Variants in TMEM132B observed in about 807,000 individuals in gnomAD.
TMEM132B encodes transmembrane protein 132B.
Under a neutral mutation model 90.8 loss-of-function variants are expected in TMEM132B, and 18 were observed. The ratio of observed to expected loss-of-function variants is 0.20; its 90% CI spans 0.14 to 0.29. The LOEUF (loss-of-function observed/expected upper bound fraction) is 0.29. TMEM132B is among the 10% of genes least tolerant of loss of function. TMEM132B has a pLI of 1.00. For synonymous variants in TMEM132B, 504 were observed against 523.3 expected, an observed-to-expected ratio of 0.96 and a Z score of 0.50; for missense variants, 1,096 against 1,326.8, an observed-to-expected ratio of 0.83 and a Z score of 2.70.
At chr12:125,187,449 G>A (rs1957766719) in intron 1 of TMEM132B, among the ~76,000 whole-genome samples, 1 of 152,134 alleles carries the variant, frequency 6.6e-6, no homozygotes, top group African/African-American at 2.4e-5. Context: ...TGGCCAAAGA[G>A]CAGCCCGCTG....
Position 125,277,303 on chromosome 12 carries a change from A to G in TMEM132B, c.68-72149A>G, listed in dbSNP as rs562043483. 1.3e-5 allele frequency among the ~76,000 whole-genome samples: 2 copies of G among 152,076 alleles called. No homozygotes were observed. The highest frequency in any genetic ancestry group is 4.8e-5 in the African/African-American group (2 of 41,458). ...AGACCAGCCTGGCCAACATGGTGAA[A>G]CCCTGTCTCTACTAAAAATACAAAA... On this transcript the variant is annotated intron_variant, in intron 1 of 8. Coordinates refer to ENST00000682704, the MANE Select transcript of TMEM132B (RefSeq NM_001366854.1). This position sits in a 1 kb window ranked among gnomAD's most constrained non-coding sequence, Gnocchi z 4.3.
chr12:125,576,906 G>T (rs1038336889), intron 4 of TMEM132B, among the ~76,000 whole-genome samples: 2 of 150,878 alleles, frequency 1.3e-5, no homozygotes, highest in Non-Finnish European at 3.0e-5. Flanking sequence ...GGGGGGTGGG[G>T]TTGGCATCTA....
intron 1 of TMEM132B, among the ~76,000 whole-genome samples, chr12:125,282,252 C>T (rs1016053904): frequency 6.6e-6 from 1 of 152,066 alleles, no homozygotes; most frequent in Non-Finnish European, 1.5e-5. Flanking sequence ...TCCCTGCCCC[C>T]TGCGATGCTG....
At chr12:125,317,950 A>G (rs11058138) in intron 1 of TMEM132B, among the ~76,000 whole-genome samples, 16,059 of 152,254 alleles carry the variant, frequency 0.11, 1,204 homozygotes, top group East Asian at 0.31. Flanking sequence ...GCTTGGAACC[A>G]ACCTAAACTT....
chr12:125,198,398 CT>C (rs1281112202), intron 1 of TMEM132B, among the ~76,000 whole-genome samples: 1 of 152,202 alleles, frequency 6.6e-6, no homozygotes, highest in Admixed American at 6.5e-5. Flanking sequence ...CTTTTTCTCT[CT>C]GTGTTGACTT....
At position 125,246,475 on chromosome 12, in the gene TMEM132B, C is replaced by T. The variant is rs912821221; in HGVS notation, c.67+59609C>T. Among the ~76,000 whole-genome samples the T allele has an allele frequency of 8.5e-5, 13 of 152,184 alleles. No individual in the cohort carries two copies. Among genetic ancestry groups the T allele is most frequent in the Non-Finnish European group, 1.5e-4 (10 of 68,030 alleles). On this transcript the variant is annotated intron_variant, in intron 1 of 8. Transcript: ENST00000682704. The surrounding 1 kb of genome is among the most constrained non-coding windows in gnomAD (Gnocchi z 4.2). ...ACTCAGATGCCTTGTTTCGAAACAGCGTGCCGGTGTTATGATTGTGATTAC... is the reference window on the plus strand; with the variant it reads ...ACTCAGATGCCTTGTTTCGAAACAGTGTGCCGGTGTTATGATTGTGATTAC...
In TMEM132B at chr12:125,350,357, C is replaced by A; in HGVS notation, c.959+14C>A. 1 of 1,598,926 alleles carries A rather than the reference C, an allele frequency of 6.3e-7. No homozygotes were observed. Among genetic ancestry groups the A allele is most frequent in the Admixed American group, 1.7e-5 (1 of 58,664 alleles). ...GTTCACTCTTAGGTAAGAGGCTTTG[C>A]CAGGTGGGATGGAACAGAAGCCAAC... On this transcript the variant is annotated intron_variant, in intron 2 of 8. Coordinates refer to ENST00000682704, the MANE Select transcript of TMEM132B (RefSeq NM_001366854.1).
At chr12:125,196,255 T>C (rs1190502904) in intron 1 of TMEM132B, among the ~76,000 whole-genome samples, 2 of 152,228 alleles carry the variant, frequency 1.3e-5, no homozygotes, top group Non-Finnish European at 2.9e-5. Flanking sequence ...ATTACTGTAC[T>C]TGGAATTGGG....
At chr12:125,333,249 G>A (rs1051288388) in intron 1 of TMEM132B, among the ~76,000 whole-genome samples, 24 of 152,158 alleles carry the variant, frequency 1.6e-4, no homozygotes, top group Admixed American at 1.2e-3. Flanking sequence ...TTATAAGGAC[G>A]TCTGTCATTG....
intron 1 of TMEM132B, among the ~76,000 whole-genome samples, chr12:125,333,180 C>T (rs982831648): frequency 6.6e-6 from 1 of 152,166 alleles, no homozygotes; most frequent in African/African-American, 2.4e-5. Flanking sequence ...CAACTCTTCC[C>T]GTCTTCATGT....
At chr12:125,320,157 C>G (rs961349801) in intron 1 of TMEM132B, among the ~76,000 whole-genome samples, 5 of 152,242 alleles carry the variant, frequency 3.3e-5, no homozygotes, top group Non-Finnish European at 7.3e-5. Flanking sequence ...CTTGGAGCCT[C>G]ACCGTCCTGC....
chr12:125,315,140 CAGCAGCAAATCCA>C (rs1876230114), intron 1 of TMEM132B, among the ~76,000 whole-genome samples: 1 of 152,188 alleles, frequency 6.6e-6, no homozygotes, highest in Admixed American at 6.5e-5. Context: ...GGAGTCAGCA[CAGCAGCAAATCCA>C]GCTGATGATG....
chr12:125,418,448 C>A (rs965695825), intron 3 of TMEM132B, among the ~76,000 whole-genome samples: 3 of 152,152 alleles, frequency 2.0e-5, no homozygotes, highest in Non-Finnish European at 4.4e-5. Context: ...TTTGGCATGA[C>A]AATTTATGCT....
intron 4 of TMEM132B, among the ~76,000 whole-genome samples, chr12:125,554,518 CG>C (rs566117280): frequency 4.6e-4 from 68 of 147,670 alleles, no homozygotes; most frequent in African/African-American, 1.6e-3. Flanking sequence ...TAATATGGAG[CG>C]GGCTTTTCTC....
intron 1 of TMEM132B, among the ~76,000 whole-genome samples, chr12:125,269,668 G>C: frequency 6.6e-6 from 1 of 152,178 alleles, no homozygotes. Context: ...ATCCAGCACG[G>C]AGCATGACTG....
intron 5 of TMEM132B, chr12:125,586,648 G>C (rs1885185382): frequency 6.6e-6 from 1 of 152,234 alleles, no homozygotes; most frequent in South Asian, 2.1e-4. Context: ...CCATGCTGTA[G>C]ATACCACCCA....
rs140161621 is a variant in TMEM132B, at chr12:125,359,253, C to G, written c.959+8910C>G. Reference sequence around the variant, plus strand: ...CTTCTACAATCTATAACCAGATGTGCTTAGTAATCTCTAACCAGATGTGTT... The same window carrying G: ...CTTCTACAATCTATAACCAGATGTGGTTAGTAATCTCTAACCAGATGTGTT... On this transcript the variant is annotated intron_variant, in intron 2 of 8. Coordinates refer to ENST00000682704, the MANE Select transcript of TMEM132B (RefSeq NM_001366854.1). Among the ~76,000 whole-genome samples the G allele has an allele frequency of 4.1e-3, 630 of 152,278 alleles. 9 individuals are homozygous for G. The highest frequency in any genetic ancestry group is 3.2e-3 in the Non-Finnish European group (218 of 68,030).
chr12:125,291,405 T>A (rs1481848431), intron 1 of TMEM132B, among the ~76,000 whole-genome samples: 1 of 152,182 alleles, frequency 6.6e-6, no homozygotes, highest in Non-Finnish European at 1.5e-5. Context: ...GCTCTTTAGA[T>A]GAAAGTCTGT....
intron 1 of TMEM132B, chr12:125,326,412 T>C (rs551601): frequency 0.64 from 389,106 of 605,446 alleles, 128,240 homozygotes; most frequent in East Asian, 0.82. Context: ...GTTGAAAAAG[T>C]CACTTGCCCT....
Sources: allele counts gnomAD v4.1 joint callset (sites outside exome capture counted in the v4.1 genomes callset), GRCh38; gene constraint gnomAD v4.1.1; non-coding constraint Gnocchi (gnomAD v3.1); transcripts MANE v1.5; gene names NCBI Gene and HGNC (gene_info 2026-07-23, HGNC 2026-07-21).